The following ATP2B2 variants were observed in gnomAD, a reference collection of about 807,000 sequenced individuals.
ATP2B2 encodes the protein ATPase plasma membrane Ca2+ transporting 2.
Under a neutral mutation model 120.0 loss-of-function variants are expected in ATP2B2, and 15 were observed. The ratio of observed to expected loss-of-function variants is 0.12; its 90% CI spans 0.08 to 0.19. ATP2B2 has a LOEUF of 0.19. Among genes scored for constraint, ATP2B2 ranks in the 10% least tolerant of loss-of-function variants. The pLI, the probability that ATP2B2 is intolerant of heterozygous loss-of-function variation, is 1.00. For missense variants in ATP2B2, 1,045 were observed against 1,719.8 expected (o/e 0.61, Z 6.94); for synonymous variants, 694 against 700.3 (o/e 0.99, Z 0.14).
intron 2 of ATP2B2, among the ~76,000 whole-genome samples, chr3:10,547,105 C>T (rs1337742986): frequency 6.6e-6 from 1 of 151,934 alleles, no homozygotes. Context: ...CTGGCTGGGG[C>T]AGGTCAATTG....
chr3:10,641,434 A>T (rs1007728598), intron 1 of ATP2B2, among the ~76,000 whole-genome samples: 2 of 152,240 alleles, frequency 1.3e-5, no homozygotes, highest in African/African-American at 4.8e-5. Context: ...GGCCCCGTAT[A>T]TGAGGGCCCA....
At chr3:10,589,652 C>A (rs530114347) in intron 2 of ATP2B2, among the ~76,000 whole-genome samples, 2 of 152,162 alleles carry the variant, frequency 1.3e-5, no homozygotes, top group Admixed American at 6.5e-5. Context: ...TAGACCCAGC[C>A]CTTGATGAAA....
At chr3:10,622,961 G>C (rs1022918755) in intron 1 of ATP2B2, among the ~76,000 whole-genome samples, 5 of 152,146 alleles carry the variant, frequency 3.3e-5, no homozygotes, top group Admixed American at 6.5e-5. Flanking sequence ...CCATAAAATG[G>C]GGGTAGAAAC....
rs539177212 is a variant in ATP2B2, at chr3:10,661,781, T to C, written c.-459-41820A>G. On this transcript the variant is annotated intron_variant, in intron 1 of 21. Coordinates refer to the ATP2B2 transcript ENST00000646379. ...GTTCATGTGGAACCAAAAAAGAACC[T>C]GCTTTGCCAAGTCAATCCTAAGCCA... Among the ~76,000 whole-genome samples, 15 of 152,302 alleles carry C rather than the reference T, an allele frequency of 9.8e-5. No homozygotes were observed. The South Asian group carries it at 1.0e-3, about 11-fold the overall frequency.
At chr3:10,616,397 C>T (rs1175775586) in intron 2 of ATP2B2, among the ~76,000 whole-genome samples, 1 of 152,076 alleles carries the variant, frequency 6.6e-6, no homozygotes, top group East Asian at 1.9e-4. Context: ...GGAAACCAGC[C>T]CTGCCAACAC....
At chr3:10,690,432 A>ATATCTATATC (rs1553650963) in intron 1 of ATP2B2, among the ~76,000 whole-genome samples, 2 of 148,804 alleles carry the variant, frequency 1.3e-5, no homozygotes, top group East Asian at 2.0e-4. Flanking sequence ...ATCTATATCT[A>ATATCTATATC]TATCTATCTA....
At position 10,329,056 on chromosome 3, in the gene ATP2B2, T is replaced by C; in HGVS notation, c.3490A>G (p.Ile1164Val). 6.2e-7 allele frequency: 1 copy of C among 1,613,908 alleles called. No individual in the cohort carries two copies. The highest frequency in any genetic ancestry group is 2.2e-5 in the East Asian group (1 of 44,850). ...TCAGGATGAGCCATGAAGTTATGGA[T>C]GGAGGTTCGAGATTCAGGCTTTTCT... is the stretch of plus-strand genomic sequence containing the variant. Reference protein sequence around the residue: ...GLEKPESRTSIHNFMAHPEFR... With the variant: ...GLEKPESRTSVHNFMAHPEFR... The change falls in exon 23 of 23, where the codon ATC becomes GTC. Residue 1164 changes from isoleucine (I) to valine (V), a missense_variant. Coordinates refer to ENST00000360273, the MANE Select transcript of ATP2B2 (RefSeq NM_001001331.4). This position sits in a 1 kb window ranked among gnomAD's most constrained non-coding sequence, Gnocchi z 5.9.
At chr3:10,575,043 C>T (rs2068212554) in intron 2 of ATP2B2, among the ~76,000 whole-genome samples, 1 of 152,174 alleles carries the variant, frequency 6.6e-6, no homozygotes, top group African/African-American at 2.4e-5. Context: ...CTGAGTAAAC[C>T]CTGGTATTTC....
At chr3:10,358,606 G>C in intron 14 of ATP2B2, 85 bp downstream of exon 14, 4 of 1,280,826 alleles carry the variant, frequency 3.1e-6, no homozygotes, top group Non-Finnish European at 4.5e-6. Context: ...ACTCAAAGAG[G>C]TGAAGTGACT....
intron 2 of ATP2B2, among the ~76,000 whole-genome samples, chr3:10,575,247 T>C (rs1432844652): frequency 6.6e-6 from 1 of 152,024 alleles, no homozygotes; most frequent in Non-Finnish European, 1.5e-5. Flanking sequence ...GGGCAGAGGG[T>C]GTACCTGAGG....
intron 1 of ATP2B2, among the ~76,000 whole-genome samples, chr3:10,472,080 CAA>C (rs55895159): frequency 0.12 from 10,955 of 92,842 alleles, 372 homozygotes; most frequent in East Asian, 0.33. Context: ...GACTCCGTCT[CAA>C]AAAAAAAAAA....
intron 3 of ATP2B2, among the ~76,000 whole-genome samples, chr3:10,533,598 C>G (rs2067252851): frequency 6.6e-6 from 1 of 152,228 alleles, no homozygotes; most frequent in African/African-American, 2.4e-5. Context: ...TACCCCAGCT[C>G]CAACGCTTCA....
chr3:10,338,235 G>A lies in ATP2B2; in HGVS notation c.3361C>T (p.Arg1121Trp). The change falls in exon 22 of 23, where the codon CGG (arginine) becomes TGG (tryptophan). Residue 1121 changes from arginine to tryptophan, a missense_variant. Physicochemically the swap from Arg to Trp is moderately radical, Grantham distance 101. Coordinates refer to ENST00000360273, the MANE Select transcript of ATP2B2 (RefSeq NM_001001331.4). ...EDVEEIDHAE[R>W]ELRRGQILWF... ...AGGATCTGGCCCCGCCGCAGCTCCCGCTCCGCGTGGTCGATCTCCTCCACG... is the reference window on the plus strand; with the variant it reads ...AGGATCTGGCCCCGCCGCAGCTCCCACTCCGCGTGGTCGATCTCCTCCACG... 2 of 1,614,146 alleles carry A rather than the reference G, an allele frequency of 1.2e-6. No homozygotes were observed. Among genetic ancestry groups the A allele is most frequent in the South Asian group, 1.1e-5 (1 of 91,086 alleles).
chr3:10,560,974 G>A (rs1037765613), intron 2 of ATP2B2, among the ~76,000 whole-genome samples: 1 of 152,118 alleles, frequency 6.6e-6, no homozygotes, highest in Non-Finnish European at 1.5e-5. Context: ...GAACACTCGT[G>A]CCCTGCTTTC....
intron 2 of ATP2B2, among the ~76,000 whole-genome samples, chr3:10,589,047 C>A (rs1417818621): frequency 6.6e-6 from 1 of 152,168 alleles, no homozygotes; most frequent in Non-Finnish European, 1.5e-5. Flanking sequence ...AAAGTTCACA[C>A]ACCTGGGTAG....
In ATP2B2 at chr3:10,342,730, C is replaced by T. The variant is rs775591341; in HGVS notation, c.2917+22G>A. The T allele has an allele frequency of 1.3e-5, 21 of 1,612,700 alleles. No individual in the cohort carries two copies. Among genetic ancestry groups the T allele is most frequent in the South Asian group, 9.9e-5 (9 of 91,020 alleles). ...AGGTGATGACCCCGCCTGGGAGAGG[C>T]GTGGGTGGGCGAGGCGCTCACCAAC... On this transcript the variant is annotated intron_variant, in intron 19 of 22. Coordinates refer to ENST00000360273, the MANE Select transcript of ATP2B2 (RefSeq NM_001001331.4). The surrounding 1 kb of genome is among the most constrained non-coding windows in gnomAD (Gnocchi z 4.4).
intron 2 of ATP2B2, among the ~76,000 whole-genome samples, chr3:10,585,262 G>A (rs549261554): frequency 2.6e-5 from 4 of 151,970 alleles, no homozygotes; most frequent in Non-Finnish European, 5.9e-5. Context: ...TTGGGAGGCC[G>A]AGGCTGGAGG....
At chr3:10,598,478 TG>T (rs2068824319) in intron 2 of ATP2B2, among the ~76,000 whole-genome samples, 1 of 152,218 alleles carries the variant, frequency 6.6e-6, no homozygotes, top group African/African-American at 2.4e-5. Flanking sequence ...TGACAAAATT[TG>T]GAGGGAATAC....
At chr3:10,592,412 C>T (rs895677205) in intron 2 of ATP2B2, among the ~76,000 whole-genome samples, 2 of 152,258 alleles carry the variant, frequency 1.3e-5, no homozygotes, top group African/African-American at 2.4e-5. Flanking sequence ...GACTCCCACA[C>T]CCATGGCCCT....
Sources: allele counts gnomAD v4.1 joint callset (sites outside exome capture counted in the v4.1 genomes callset), GRCh38; gene constraint gnomAD v4.1.1; non-coding constraint Gnocchi (gnomAD v3.1); transcripts MANE v1.5; gene names NCBI Gene and HGNC (gene_info 2026-07-23, HGNC 2026-07-21).